Variants in CDH12 observed in about 807,000 individuals in gnomAD.
CDH12 encodes cadherin-12.
In CDH12, 41 loss-of-function variants were observed where a neutral mutation model predicts 74.1. The ratio of observed to expected loss-of-function variants is 0.55; its 90% CI spans 0.43 to 0.72. The LOEUF is 0.72. Among genes scored for constraint, CDH12 ranks in the 30% least tolerant of loss-of-function variants. The pLI is 0.00. For synonymous variants in CDH12, 399 were observed against 355.0 expected, an observed-to-expected ratio of 1.12 and a Z score of -1.39; for missense variants, 945 against 977.2, an observed-to-expected ratio of 0.97 and a Z score of 0.44.
At chr5:21,933,125 A>C (rs1754919444) in intron 6 of CDH12, among the ~76,000 whole-genome samples, 2 of 152,156 alleles carry the variant, frequency 1.3e-5, no homozygotes, top group Non-Finnish European at 2.9e-5. Flanking sequence ...ACGAGAGTTT[A>C]ATATTTAGAT....
chr5:22,225,901 C>T (rs1752177315), intron 3 of CDH12, among the ~76,000 whole-genome samples: 1 of 130,064 alleles, frequency 7.7e-6, no homozygotes, highest in Admixed American at 7.6e-5. Flanking sequence ...TGGTTGGCCT[C>T]TAACAATAAC....
intron 1 of CDH12, among the ~76,000 whole-genome samples, chr5:22,511,103 C>T (rs1381218415): frequency 1.3e-5 from 2 of 152,024 alleles, no homozygotes; most frequent in Non-Finnish European, 2.9e-5. Flanking sequence ...CCATGTTGGC[C>T]AAACTGATCT....
intron 3 of CDH12, among the ~76,000 whole-genome samples, chr5:22,393,112 A>G (rs553067560): frequency 2.0e-5 from 3 of 152,310 alleles, no homozygotes; most frequent in African/African-American, 7.2e-5. Context: ...CAAAGTTAAA[A>G]TCTTAAAATA....
chr5:22,009,977 AAGAG>A (rs1737208092), intron 5 of CDH12, among the ~76,000 whole-genome samples: 1 of 151,568 alleles, frequency 6.6e-6, no homozygotes, highest in African/African-American at 2.4e-5. Context: ...AGAAAGAAAA[AAGAG>A]AAAGAAGGAA....
At chr5:22,149,964 A>G (rs902619869) in intron 4 of CDH12, among the ~76,000 whole-genome samples, 3 of 152,178 alleles carry the variant, frequency 2.0e-5, no homozygotes, top group Non-Finnish European at 4.4e-5. Context: ...ACTGCACTCC[A>G]GCCTGGGTGA....
intron 1 of CDH12, among the ~76,000 whole-genome samples, chr5:22,598,451 C>A (rs1413888665): frequency 6.6e-6 from 1 of 152,032 alleles, no homozygotes; most frequent in Non-Finnish European, 1.5e-5. Flanking sequence ...ATCCTGCAGC[C>A]CTGTGATGAG....
rs35742047 is a variant in CDH12 at position 21,802,593 on chromosome 5, C to CTTTTTTTTTTTTTTTT, written c.1003-189_1003-174dup. Among the ~76,000 whole-genome samples the CTTTTTTTTTTTTTTTT allele has an allele frequency of 5.0e-5, 6 of 120,192 alleles. 2 individuals carry two copies. The highest frequency in any genetic ancestry group is 2.7e-4 in the South Asian group (1 of 3,722). The allele number at this position is 120,192 out of a possible 152,430, so 78.9% of individuals were successfully genotyped here. ...AGCACAAGGCAAACCATTTTTTTTT[C>CTTTTTTTTTTTTTTTT]TTTTTTTTTTTTTTTTGAGACAGAG... On this transcript the variant is annotated intron_variant, in intron 9 of 14. Transcript: ENST00000382254.
chr5:21,922,028 G>T (rs1754377124), intron 6 of CDH12, among the ~76,000 whole-genome samples: 1 of 152,014 alleles, frequency 6.6e-6, no homozygotes, highest in African/African-American at 2.4e-5. Context: ...TTTACCATGG[G>T]GGTGTCCAAC....
At chr5:21,853,804 T>C (rs895681498) in intron 7 of CDH12, among the ~76,000 whole-genome samples, 2 of 151,688 alleles carry the variant, frequency 1.3e-5, no homozygotes, top group Admixed American at 6.6e-5. Context: ...ATTAGTTCCA[T>C]ATGAGAACAG....
At chr5:22,040,575 C>T (rs972748976) in intron 5 of CDH12, among the ~76,000 whole-genome samples, 4 of 152,018 alleles carry the variant, frequency 2.6e-5, no homozygotes, top group Admixed American at 1.3e-4. Context: ...TGTCAAGACA[C>T]ATATAAAGGA....
At chr5:21,986,458 T>C (rs1757519735) in intron 5 of CDH12, among the ~76,000 whole-genome samples, 1 of 152,164 alleles carries the variant, frequency 6.6e-6, no homozygotes, top group African/African-American at 2.4e-5. Context: ...TAAGAACTTC[T>C]ATAAAAGTTG....
chr5:22,790,000 T>C (rs1456001212), intron 1 of CDH12, among the ~76,000 whole-genome samples: 2 of 152,012 alleles, frequency 1.3e-5, no homozygotes, highest in African/African-American at 2.4e-5. Context: ...AAAAGAAATA[T>C]TTTTAGAAGA....
intron 2 of CDH12, among the ~76,000 whole-genome samples, chr5:22,415,227 GT>G (rs1007018520): frequency 2.1e-5 from 2 of 94,468 alleles, no homozygotes; most frequent in Non-Finnish European, 4.2e-5. Context: ...TTGACACAAT[GT>G]TTTTTTTTGA....
intron 5 of CDH12, among the ~76,000 whole-genome samples, chr5:22,015,942 A>G (rs1033112908): frequency 3.9e-5 from 6 of 152,180 alleles, no homozygotes; most frequent in Admixed American, 2.6e-4. Flanking sequence ...AAAATGGACT[A>G]AGAAATTTGC....
chr5:22,813,353 T>C (rs1290504043), intron 1 of CDH12, among the ~76,000 whole-genome samples: 4 of 152,188 alleles, frequency 2.6e-5, no homozygotes, highest in African/African-American at 9.6e-5. Flanking sequence ...TAATAAGTGC[T>C]GTATCTTGAA....
chr5:22,028,705 C>T (rs902939254), intron 5 of CDH12, among the ~76,000 whole-genome samples: 1 of 152,206 alleles, frequency 6.6e-6, no homozygotes, highest in Admixed American at 6.5e-5. Flanking sequence ...TTTATAGATT[C>T]AATGCCATCC....
At chr5:21,957,327 G>C (rs1756146530) in intron 6 of CDH12, among the ~76,000 whole-genome samples, 1 of 152,080 alleles carries the variant, frequency 6.6e-6, no homozygotes, top group Non-Finnish European at 1.5e-5. Flanking sequence ...GATGAGCATT[G>C]AGGTGGATTC....
At chr5:21,763,627 G>T (rs1045520070) in intron 12 of CDH12, among the ~76,000 whole-genome samples, 1 of 152,140 alleles carries the variant, frequency 6.6e-6, no homozygotes, top group African/African-American at 2.4e-5. Context: ...TATTTGGAAT[G>T]CAGATCCACA....
At chr5:21,966,339 C>A (rs1310291217) in intron 6 of CDH12, among the ~76,000 whole-genome samples, 1 of 152,034 alleles carries the variant, frequency 6.6e-6, no homozygotes, top group African/African-American at 2.4e-5. Flanking sequence ...TTAGTCTTTG[C>A]AGGCCATATG....
Sources: gnomAD v4.1 joint callset for allele counts (sites outside exome capture counted in the v4.1 genomes callset) on GRCh38, gnomAD v4.1.1 for gene constraint, MANE v1.5 for transcripts, NCBI Gene and HGNC (gene_info 2026-07-23, HGNC 2026-07-21) for gene names.